The following FMNL1 variants were observed in gnomAD, a reference collection of about 807,000 sequenced individuals.
FMNL1 encodes formin like 1, also known as formin-like protein 1.
In FMNL1, 43 loss-of-function variants were observed where a neutral mutation model predicts 121.3. The observed-to-expected ratio is 0.35, with a 90% CI of 0.28 to 0.46. The LOEUF (loss-of-function observed/expected upper bound fraction) is 0.46. Ranked by LOEUF, FMNL1 falls within the 20% of genes least tolerant of loss-of-function variation. The pLI is 1.00. For synonymous variants in FMNL1, 613 were observed against 613.5 expected, an observed-to-expected ratio of 1.00 and a Z score of 0.01; for missense variants, 1,191 against 1,482.4, an observed-to-expected ratio of 0.80 and a Z score of 3.23.
At position 45,247,117 on chromosome 17, in the gene FMNL1, C is replaced by G; in HGVS notation, c.*259C>G. The G allele has an allele frequency of 1.7e-6, 1 of 593,812 alleles. No individual in the cohort carries two copies. Among genetic ancestry groups the G allele is most frequent in the Non-Finnish European group, 3.0e-6 (1 of 329,902 alleles). 36.8% of individuals were successfully genotyped at this position (593,812 alleles called of 1,614,324 possible). ...CGGGCTGGTGCATCCTCCTCTTGGC[C>G]ACAGAGGGCAGCATCGCCCGCCCCT... On this transcript the variant is annotated 3_prime_UTR_variant, in exon 27 of 27. Coordinates refer to ENST00000331495, the MANE Select transcript of FMNL1 (RefSeq NM_005892.4).
rs1169552184 is a variant in FMNL1 at position 45,233,014 on chromosome 17, C to A, written c.328-210C>A. The A allele has an allele frequency of 4.5e-6, 3 of 665,808 alleles. No individual in the cohort carries two copies. Among genetic ancestry groups the A allele is most frequent in the Non-Finnish European group, 8.3e-6 (3 of 362,004 alleles). 41.2% of individuals were successfully genotyped at this position (665,808 alleles called of 1,614,324 possible). A position where few individuals can be genotyped will look rare whatever the true frequency, so the allele number is the denominator to read the frequency against. Reference sequence around the variant, plus strand: ...TGCCCATGTATCGGGGGTGTGTGTACCCTGCTTGTCTATGTATGGGGGAGC... The same window carrying A: ...TGCCCATGTATCGGGGGTGTGTGTAACCTGCTTGTCTATGTATGGGGGAGC... On this transcript the variant is annotated intron_variant, in intron 3 of 26. Coordinates refer to ENST00000331495, the MANE Select transcript of FMNL1 (RefSeq NM_005892.4). The surrounding 1 kb of genome is among the most constrained non-coding windows in gnomAD (Gnocchi z 4.1).
At chr17:45,234,370 C>A in intron 6 of FMNL1, 170 bp downstream of exon 6, 2 of 1,178,732 alleles carry the variant, frequency 1.7e-6, no homozygotes, top group Non-Finnish European at 2.4e-6. Context: ...TGTTAAGAAG[C>A]CATCAGGGGT....
In FMNL1 at chr17:45,246,211, C is replaced by A; in HGVS notation, c.3092C>A (p.Ser1031Ter). The A allele has an allele frequency of 6.2e-7, 1 of 1,605,410 alleles. No homozygotes were observed. The highest frequency in any genetic ancestry group is 1.1e-5 in the South Asian group (1 of 90,770). Residue 1031 changes from serine (S) to a stop codon, truncating the protein, a stop_gained and splice_region_variant, in exon 25 of 27, where the codon TCA becomes TAA. Transcript: ENST00000331495. LOFTEE classifies it high-confidence loss of function. Reference sequence around the variant, plus strand: ...GCTGGAGCTATAAATTCCCCCTAGTCACCGCCAAAGGCCCGGCGGCCACAG... The same window carrying A: ...GCTGGAGCTATAAATTCCCCCTAGTAACCGCCAAAGGCCCGGCGGCCACAG... ...PGKGEPPAPK[S>*]PPKARRPQMD...
chr17:45,240,846 C>T, intron 12 of FMNL1: 1 of 755,478 alleles, frequency 1.3e-6, no homozygotes, highest in Non-Finnish European at 2.1e-6. Context: ...ACAGGCCCCT[C>T]CTCTACCCAG....
Position 45,233,681 on chromosome 17 carries a change from T to G in FMNL1, c.435T>G (p.Arg145=). The change falls in exon 5 of 27, where the codon CGT becomes CGG. Residue 145 remains arginine, a synonymous_variant. Coordinates refer to ENST00000331495, the MANE Select transcript of FMNL1 (RefSeq NM_005892.4). This position sits in a 1 kb window ranked among gnomAD's most constrained non-coding sequence, Gnocchi z 4.1. ...WVQEFLNEEN[R]GLDVLLEYLA... ...AGGAGTTCCTCAATGAAGAGAACCG[T>G]GGCCTGGATGTGCTGCTCGAGTACC... 1 of 1,614,098 alleles carries G rather than the reference T, an allele frequency of 6.2e-7. No homozygotes were observed. Among genetic ancestry groups the G allele is most frequent in the Non-Finnish European group, 8.5e-7 (1 of 1,179,992 alleles).
Position 45,233,046 on chromosome 17 carries a change from A to T in FMNL1, c.328-178A>T, listed in dbSNP as rs1263037759. ...TGTCTATGTATGGGGGAGCACATGT[A>T]GCCTGTGAGTTCTTATTCTGCTGGG... On this transcript the variant is annotated intron_variant, in intron 3 of 26. Coordinates refer to ENST00000331495, the MANE Select transcript of FMNL1 (RefSeq NM_005892.4). This position sits in a 1 kb window ranked among gnomAD's most constrained non-coding sequence, Gnocchi z 4.1. The T allele has an allele frequency of 4.3e-6, 3 of 694,028 alleles. No individual in the cohort carries two copies. In the African/African-American group the frequency reaches 5.3e-5, roughly 12 times the overall value. The allele number at this position is 694,028 out of a possible 1,614,324, so 43.0% of individuals were successfully genotyped here.
At chr17:45,240,674 C>T (rs1455048794) in intron 12 of FMNL1, 49 bp downstream of exon 12, 2 of 1,581,438 alleles carry the variant, frequency 1.3e-6, no homozygotes, top group Non-Finnish European at 8.6e-7. Context: ...GCCCACAGGG[C>T]ACACGGGCCA....
intron 3 of FMNL1, 94 bp downstream of exon 3, chr17:45,232,574 C>T (rs1284979751): frequency 1.1e-5 from 12 of 1,108,738 alleles, no homozygotes; most frequent in South Asian, 4.0e-5. Flanking sequence ...TTTCTATGTG[C>T]GTGTGTGGGT....
chr17:45,233,910 G>C lies in FMNL1; in HGVS notation c.486-162G>C, dbSNP rs2043494860. On this transcript the variant is annotated intron_variant, in intron 5 of 26. Coordinates refer to ENST00000331495, the MANE Select transcript of FMNL1 (RefSeq NM_005892.4). This position sits in a 1 kb window ranked among gnomAD's most constrained non-coding sequence, Gnocchi z 4.1. The stretch of plus-strand genomic sequence containing the variant: ...GGCCTGCCCCCGACAGGGAGGGGTG[G>C]CCTCTCTTCCACCACTATGTTCAGC... The C allele has an allele frequency of 4.5e-6, 6 of 1,320,952 alleles. No individual in the cohort carries two copies. The highest frequency in any genetic ancestry group is 6.1e-6 in the Non-Finnish European group (6 of 976,160). The allele number at this position is 1,320,952 out of a possible 1,614,324, so 81.8% of individuals were successfully genotyped here. A position where few individuals can be genotyped will look rare whatever the true frequency, so the allele number is the denominator to read the frequency against.
chr17:45,247,036 G>C lies in FMNL1; in HGVS notation c.*178G>C, dbSNP rs1017961493. On this transcript the variant is annotated 3_prime_UTR_variant, in exon 27 of 27. Transcript: ENST00000331495. Reference sequence around the variant, plus strand: ...GTGGACAGGCTGAGGCTCAAGGAAGGTGGTCCTCAGCTCGGCTGGCCGGGC... The same window carrying C: ...GTGGACAGGCTGAGGCTCAAGGAAGCTGGTCCTCAGCTCGGCTGGCCGGGC... 6.1e-6 allele frequency: 4 copies of C among 653,830 alleles called. No homozygotes were observed. The highest frequency in any genetic ancestry group is 8.5e-6 in the Non-Finnish European group (3 of 353,650). 40.5% of individuals were successfully genotyped at this position (653,830 alleles called of 1,614,324 possible).
At chr17:45,229,407 T>A (rs1598183718) in intron 1 of FMNL1, among the ~76,000 whole-genome samples, 1 of 152,144 alleles carries the variant, frequency 6.6e-6, no homozygotes, top group East Asian at 1.9e-4. Flanking sequence ...CTCAGGTGGG[T>A]GTGGCCCTCT....
At position 45,247,138 on chromosome 17, in the gene FMNL1, C is replaced by G. The variant is rs2043856890; in HGVS notation, c.*280C>G. On this transcript the variant is annotated 3_prime_UTR_variant, in exon 27 of 27. Transcript: ENST00000331495. ...TGGCCACAGAGGGCAGCATCGCCCG[C>G]CCCTTCCCCCAAATGCTGCTTGCAG... 5.1e-6 allele frequency: 3 copies of G among 587,118 alleles called. No individual in the cohort carries two copies. The East Asian group carries it at 8.4e-5, about 16-fold the overall frequency. 36.4% of individuals were successfully genotyped at this position (587,118 alleles called of 1,614,324 possible).
chr17:45,223,114 C>T (rs535179627), intron 1 of FMNL1, among the ~76,000 whole-genome samples: 1 of 152,284 alleles, frequency 6.6e-6, no homozygotes, highest in African/African-American at 2.4e-5. Flanking sequence ...TCTCACTCTC[C>T]CCACCCCCGA....
In FMNL1 at chr17:45,233,910, G is replaced by A; in HGVS notation, c.486-162G>A. On this transcript the variant is annotated intron_variant, in intron 5 of 26. Transcript: ENST00000331495. This position sits in a 1 kb window ranked among gnomAD's most constrained non-coding sequence, Gnocchi z 4.1. ...GGCCTGCCCCCGACAGGGAGGGGTG[G>A]CCTCTCTTCCACCACTATGTTCAGC... The A allele has an allele frequency of 7.6e-7, 1 of 1,320,950 alleles. No homozygotes were observed. Among genetic ancestry groups the A allele is most frequent in the Non-Finnish European group, 1.0e-6 (1 of 976,158 alleles). The allele number at this position is 1,320,950 out of a possible 1,614,324, so 81.8% of individuals were successfully genotyped here. A position where few individuals can be genotyped will look rare whatever the true frequency, so the allele number is the denominator to read the frequency against.
chr17:45,241,148 A>AC lies in FMNL1; in HGVS notation c.1251dup (p.Ala418ArgfsTer46). The AC allele has an allele frequency of 6.2e-7, 1 of 1,614,088 alleles. No homozygotes were observed. Among genetic ancestry groups the AC allele is most frequent in the Non-Finnish European group, 8.5e-7 (1 of 1,179,974 alleles). ...CTACAGCTGACAGAGCGGCTTCGGG[A>AC]CGCGGAGAACGAATCCATGGCCAAG... On this transcript the variant is annotated frameshift_variant, in exon 13 of 27. Transcript: ENST00000331495. LOFTEE classifies it high-confidence loss of function. This position sits in a 1 kb window ranked among gnomAD's most constrained non-coding sequence, Gnocchi z 7.0.
chr17:45,237,294 T>G lies in FMNL1; in HGVS notation c.737T>G (p.Leu246Arg), dbSNP rs771856191. The G allele has an allele frequency of 1.9e-6, 3 of 1,614,204 alleles. No individual in the cohort carries two copies. The South Asian group carries it at 3.3e-5, about 18-fold the overall frequency. The change falls in exon 8 of 27, where the codon CTT becomes CGT. Residue 246 changes from leucine (L) to arginine (R), a missense_variant. Transcript: ENST00000331495. This position sits in a 1 kb window ranked among gnomAD's most constrained non-coding sequence, Gnocchi z 4.4. ...AIMNYQSGFS[L>R]VMNHPACVNE... The stretch of plus-strand genomic sequence containing the variant: ...CTCTCTCCCCAGTCTGGCTTCAGCC[T>G]TGTCATGAACCACCCAGCCTGTGTC...
intron 19 of FMNL1, among the ~76,000 whole-genome samples, chr17:45,244,471 C>T (rs2043783829): frequency 6.6e-6 from 1 of 152,240 alleles, no homozygotes; most frequent in Non-Finnish European, 1.5e-5. Context: ...TTTAGCGTTG[C>T]TCTGTGAGCA....
chr17:45,246,542 G>A lies in FMNL1; in HGVS notation c.3249G>A (p.Lys1083=). ...KTVPFTARTG[K]RTSRLLCEAS... ...TGCCCTTCACGGCCCGCACCGGCAA[G>A]CGGACATCCCGGCTCCTCTGTGAGG... Residue 1083 remains lysine, a synonymous_variant, in exon 26 of 27, where the codon AAG becomes AAA. Coordinates refer to ENST00000331495, the MANE Select transcript of FMNL1 (RefSeq NM_005892.4). 1.2e-6 allele frequency: 2 copies of A among 1,613,844 alleles called. No individual in the cohort carries two copies. Among genetic ancestry groups the A allele is most frequent in the Non-Finnish European group, 1.7e-6 (2 of 1,179,756 alleles).
At chr17:45,230,309 G>C (rs1027207043) in intron 1 of FMNL1, among the ~76,000 whole-genome samples, 1 of 152,178 alleles carries the variant, frequency 6.6e-6, no homozygotes, top group Non-Finnish European at 1.5e-5. Context: ...GACAACCCAC[G>C]CTCCTGCCTG....
Sources: gnomAD v4.1 joint callset for allele counts (sites outside exome capture counted in the v4.1 genomes callset) on GRCh38, gnomAD v4.1.1 for gene constraint, Gnocchi (gnomAD v3.1) non-coding constraint, MANE v1.5 for transcripts, NCBI Gene and HGNC (gene_info 2026-07-23, HGNC 2026-07-21) for gene names.